Variants in GALNT7 observed in about 807,000 individuals in gnomAD.
GALNT7 encodes the protein N-acetylgalactosaminyltransferase 7.
A neutral mutation model predicts 82.1 loss-of-function variants in GALNT7; 60 were observed. That is an observed-to-expected ratio of 0.73 (90% CI 0.59 to 0.91). GALNT7 has a LOEUF of 0.91. Among genes scored for constraint, GALNT7 ranks in the 40% least tolerant of loss-of-function variants. The probability of loss-of-function intolerance (pLI) is 0.00; values close to 1 mark genes in which losing one functional copy is unlikely to be tolerated. For synonymous variants in GALNT7, 243 were observed against 275.1 expected (o/e 0.88, Z 1.15); for missense variants, 660 against 804.2 (o/e 0.82, Z 2.17).
rs1482468777 is a variant in GALNT7 at position 173,302,112 on chromosome 4, A to G, written c.1214A>G (p.Tyr405Cys). ...EREFFFELGL[Y>C]DPGLQIWGGE... ...GAGTTCTTCTTTGAATTGGGTCTCT[A>G]TGATCCAGGTCTCCAGATTTGGGGT... The change falls in exon 7 of 12, where the codon TAT (tyrosine) becomes TGT (cysteine). Residue 405 changes from tyrosine to cysteine, a missense_variant. Around this residue, in one of 2 missense-constraint regions of GALNT7, gnomAD observed 527 missense variants for 683.5 expected, o/e 0.77. Transcript: ENST00000265000. This position sits in a 1 kb window ranked among gnomAD's most constrained non-coding sequence, Gnocchi z 4.2. 2 of 1,597,728 alleles carry G rather than the reference A, an allele frequency of 1.3e-6. No homozygotes were observed. Among genetic ancestry groups the G allele is most frequent in the Non-Finnish European group, 1.7e-6 (2 of 1,165,118 alleles).
intron 1 of GALNT7, among the ~76,000 whole-genome samples, chr4:173,245,389 A>G (rs573937578): frequency 6.6e-6 from 1 of 152,292 alleles, no homozygotes; most frequent in African/African-American, 2.4e-5. Flanking sequence ...TTCATGTACT[A>G]TCATATTCTA....
intron 2 of GALNT7, among the ~76,000 whole-genome samples, chr4:173,290,604 G>C (rs1329225528): frequency 1.3e-5 from 2 of 152,158 alleles, no homozygotes; most frequent in Non-Finnish European, 2.9e-5. Context: ...GACAAAACCT[G>C]CTGAAGAGAG....
intron 2 of GALNT7, among the ~76,000 whole-genome samples, chr4:173,262,246 G>GT (rs1377344687): frequency 6.6e-6 from 1 of 152,090 alleles, no homozygotes; most frequent in Non-Finnish European, 1.5e-5. Flanking sequence ...ACTAGTGGTA[G>GT]TTTTTTAAAA....
intron 8 of GALNT7, among the ~76,000 whole-genome samples, chr4:173,310,529 C>T (rs1737342961): frequency 6.6e-6 from 1 of 152,132 alleles, no homozygotes; most frequent in South Asian, 2.1e-4. Flanking sequence ...ATGTCACTTA[C>T]CTGCTTAAAA....
intron 1 of GALNT7, among the ~76,000 whole-genome samples, chr4:173,185,809 G>A (rs1732445335): frequency 6.6e-6 from 1 of 152,122 alleles, no homozygotes; most frequent in Non-Finnish European, 1.5e-5. Context: ...AGATAAATAA[G>A]CATTATTTAG....
intron 1 of GALNT7, among the ~76,000 whole-genome samples, chr4:173,236,156 C>T (rs939448946): frequency 2.6e-5 from 4 of 152,188 alleles, no homozygotes; most frequent in Admixed American, 2.6e-4. Flanking sequence ...GATCCATCCT[C>T]TAGCTGGGTA....
At chr4:173,207,684 T>C (rs1296271503) in intron 1 of GALNT7, among the ~76,000 whole-genome samples, 2 of 152,204 alleles carry the variant, frequency 1.3e-5, no homozygotes, top group South Asian at 2.1e-4. Flanking sequence ...TATGTATAAA[T>C]GAGGGAAGTA....
intron 2 of GALNT7, among the ~76,000 whole-genome samples, chr4:173,260,417 A>G (rs555540189): frequency 6.6e-6 from 1 of 152,308 alleles, no homozygotes; most frequent in South Asian, 2.1e-4. Flanking sequence ...ATATGTGTAA[A>G]ATTATATCTA....
At chr4:173,230,103 G>T (rs544506899) in intron 1 of GALNT7, among the ~76,000 whole-genome samples, 1 of 152,234 alleles carries the variant, frequency 6.6e-6, no homozygotes, top group Admixed American at 6.5e-5. Flanking sequence ...GAAGAGTATG[G>T]CAAAATAAAA....
chr4:173,208,134 T>C (rs1052654945), intron 1 of GALNT7, among the ~76,000 whole-genome samples: 1 of 152,158 alleles, frequency 6.6e-6, no homozygotes, highest in Admixed American at 6.5e-5. Context: ...AAATATTAGT[T>C]ACTCCCCCCA....
chr4:173,237,053 C>T (rs1320257255), intron 1 of GALNT7, among the ~76,000 whole-genome samples: 2 of 152,160 alleles, frequency 1.3e-5, no homozygotes, highest in African/African-American at 4.8e-5. Flanking sequence ...TCTACTCTGA[C>T]TGTATTTTTC....
At chr4:173,282,228 CTG>C (rs1373972765) in intron 2 of GALNT7, among the ~76,000 whole-genome samples, 7 of 152,178 alleles carry the variant, frequency 4.6e-5, no homozygotes, top group African/African-American at 1.4e-4. Context: ...TTCTGTATAA[CTG>C]TGGGTTTGTT....
intron 2 of GALNT7, among the ~76,000 whole-genome samples, chr4:173,289,974 G>A (rs1396683118): frequency 1.3e-5 from 2 of 152,122 alleles, no homozygotes; most frequent in Non-Finnish European, 2.9e-5. Flanking sequence ...ACATTACTGA[G>A]AACAAAATAT....
chr4:173,277,842 A>G (rs1735970641), intron 2 of GALNT7, among the ~76,000 whole-genome samples: 1 of 152,212 alleles, frequency 6.6e-6, no homozygotes, highest in Admixed American at 6.5e-5. Flanking sequence ...TATCTGCAGG[A>G]GTGATTTCCA....
intron 2 of GALNT7, among the ~76,000 whole-genome samples, chr4:173,268,616 T>C (rs1214281632): frequency 7.4e-6 from 1 of 136,032 alleles, no homozygotes; most frequent in African/African-American, 2.7e-5. Context: ...CAGCAAGCTC[T>C]GCCTCCCAGG....
Position 173,281,186 on chromosome 4 carries a change from C to T in GALNT7, c.588-10922C>T, listed in dbSNP as rs6855740. 8.7e-3 allele frequency among the ~76,000 whole-genome samples: 1,320 copies of T among 152,294 alleles called. 18 individuals are homozygous for T. Among genetic ancestry groups the T allele is most frequent in the African/African-American group, 0.03 (1,257 of 41,556 alleles). ...GGTTCTGGCCTGCTTACCTCTGTCT[C>T]TGCTGCCTCCTCCTGGTTCTGGGTA... On this transcript the variant is annotated intron_variant, in intron 2 of 11. Coordinates refer to ENST00000265000, the MANE Select transcript of GALNT7 (RefSeq NM_017423.3).
intron 1 of GALNT7, among the ~76,000 whole-genome samples, chr4:173,189,851 G>A (rs1732570598): frequency 6.6e-6 from 1 of 152,102 alleles, no homozygotes; most frequent in Non-Finnish European, 1.5e-5. Context: ...CCAATCTTAT[G>A]GAAATACATG....
intron 1 of GALNT7, among the ~76,000 whole-genome samples, chr4:173,226,314 G>A (rs933423815): frequency 6.6e-6 from 1 of 152,018 alleles, no homozygotes; most frequent in East Asian, 1.9e-4. Context: ...TAACCCAGTT[G>A]TACCAGCTTT....
At chr4:173,200,343 C>A (rs1261587182) in intron 1 of GALNT7, among the ~76,000 whole-genome samples, 3 of 152,072 alleles carry the variant, frequency 2.0e-5, no homozygotes, top group Non-Finnish European at 2.9e-5. Flanking sequence ...TCAGATTAAT[C>A]TGTTTAGAAC....
Sources: gnomAD v4.1 joint callset for allele counts (sites outside exome capture counted in the v4.1 genomes callset) on GRCh38, gnomAD v4.1.1 for gene constraint, gnomAD v4.1.1 regional missense constraint, Gnocchi (gnomAD v3.1) non-coding constraint, MANE v1.5 for transcripts, NCBI Gene and HGNC (gene_info 2026-07-23, HGNC 2026-07-21) for gene names.